Variants in SLC2A14 observed in about 807,000 individuals in gnomAD.
The protein encoded by SLC2A14 is solute carrier family 2, facilitated glucose transporter member 14.
In SLC2A14, 13 loss-of-function variants were observed where a neutral mutation model predicts 43.0. That is an observed-to-expected ratio of 0.30 (90% confidence interval 0.20 to 0.48). SLC2A14 has a LOEUF of 0.48. Ranked by LOEUF, SLC2A14 falls within the 20% of genes least tolerant of loss-of-function variation. SLC2A14 has a pLI of 0.99. For missense variants in SLC2A14, 428 were observed against 620.4 expected (o/e 0.69, Z 3.29); for synonymous variants, 190 against 233.8 (o/e 0.81, Z 1.71).
rs1186876570 is a variant in SLC2A14 at position 7,830,098 on chromosome 12, G to A, written c.273-92C>T. The A allele has an allele frequency of 6.7e-6, 10 of 1,496,512 alleles. No individual in the cohort carries two copies. The East Asian group carries it at 1.8e-4, about 27-fold the overall frequency. 92.7% of individuals were successfully genotyped at this position (1,496,512 alleles called of 1,614,324 possible). A position where few individuals can be genotyped will look rare whatever the true frequency, so the allele number is the denominator to read the frequency against. ...TACTCATTATTCTGCTCTTCTCCAG[G>A]CTTATATCAACTCCTTTTTTGGTCT... On this transcript the variant is annotated intron_variant, in intron 4 of 10. Transcript: ENST00000431042.
At chr12:7,863,772 G>A (rs769914827) in intron 2 of SLC2A14, among the ~76,000 whole-genome samples, 7 of 151,726 alleles carry the variant, frequency 4.6e-5, no homozygotes, top group Non-Finnish European at 1.0e-4. Context: ...TTTTATTTCA[G>A]ATGAAAACTT....
intron 1 of SLC2A14, among the ~76,000 whole-genome samples, chr12:7,887,515 G>A (rs1945705816): frequency 6.6e-6 from 1 of 151,872 alleles, no homozygotes; most frequent in Non-Finnish European, 1.5e-5. Flanking sequence ...GAAAGTAATT[G>A]CCCTCACAGA....
At chr12:7,875,364 C>T (rs143128574), upstream of SLC2A14, among the ~76,000 whole-genome samples, 774 of 149,872 alleles carry the variant, frequency 5.2e-3, 28 homozygotes, top group South Asian at 0.063. Context: ...AAAAATTAGC[C>T]GGGCATGGTG....
At chr12:7,863,076 T>G (rs936853899) in intron 2 of SLC2A14, among the ~76,000 whole-genome samples, 1 of 152,112 alleles carries the variant, frequency 6.6e-6, no homozygotes, top group Non-Finnish European at 1.5e-5. Context: ...CTCTTTGCAA[T>G]AAATCTTGCT....
In SLC2A14 at chr12:7,827,369, G is replaced by A. The variant is rs748275526; in HGVS notation, c.864+126C>T. 1.7e-5 allele frequency: 24 copies of A among 1,393,034 alleles called. No individual in the cohort carries two copies. The Admixed American group carries it at 2.0e-4, about 12-fold the overall frequency. The allele number at this position is 1,393,034 out of a possible 1,614,324, so 86.3% of individuals were successfully genotyped here. A position where few individuals can be genotyped will look rare whatever the true frequency, so the allele number is the denominator to read the frequency against. The stretch of plus-strand genomic sequence containing the variant: ...CAGCTCACTGCAACCTTCGCCTCCC[G>A]GGTTCAAGCGATTCTCCTGCCTCAG... On this transcript the variant is annotated intron_variant, in intron 7 of 10. Transcript: ENST00000431042.
intron 4 of SLC2A14, among the ~76,000 whole-genome samples, chr12:7,830,984 C>G (rs776635193): frequency 6.6e-6 from 1 of 151,938 alleles, no homozygotes; most frequent in South Asian, 2.1e-4. Flanking sequence ...ATTAGCCGAG[C>G]GTGGTGGCGG....
chr12:7,874,953 T>TATAAAAA (rs1491257259), upstream of SLC2A14, among the ~76,000 whole-genome samples: 10 of 5,932 alleles, frequency 1.7e-3, 2 homozygotes, highest in South Asian at 0.015. Context: ...TATAAATATA[T>TATAAAAA]TTATATATAA....
At chr12:7,872,048 C>T in intron 1 of SLC2A14, 1 of 338,490 alleles carries the variant, frequency 3.0e-6, no homozygotes, top group Non-Finnish European at 4.2e-6. Context: ...TCTTAAAAAT[C>T]AATGGAAATT....
upstream of SLC2A14, among the ~76,000 whole-genome samples, chr12:7,876,088 G>A (rs1439119487): frequency 6.6e-6 from 1 of 151,864 alleles, no homozygotes; most frequent in Non-Finnish European, 1.5e-5. Flanking sequence ...AGACCTGCCT[G>A]GCCAGCATTG....
chr12:7,825,629 G>A (rs1333930981), intron 7 of SLC2A14, among the ~76,000 whole-genome samples: 7 of 151,598 alleles, frequency 4.6e-5, no homozygotes, highest in African/African-American at 1.5e-4. Flanking sequence ...TGGGCATGGT[G>A]GCACGTGCCT....
chr12:7,845,781 A>C (rs1231598662), intron 2 of SLC2A14, among the ~76,000 whole-genome samples: 1 of 122,146 alleles, frequency 8.2e-6, no homozygotes. Flanking sequence ...TCCATCTCAA[A>C]AAAAAAAAAA....
chr12:7,824,117 G>A (rs185209251), intron 7 of SLC2A14, among the ~76,000 whole-genome samples: 4 of 151,870 alleles, frequency 2.6e-5, no homozygotes, highest in Admixed American at 6.6e-5. Flanking sequence ...TCAGCCGGGT[G>A]TGGTGGCAGG....
chr12:7,874,192 T>A (rs944467543), upstream of SLC2A14, among the ~76,000 whole-genome samples: 2 of 151,994 alleles, frequency 1.3e-5, no homozygotes, highest in Non-Finnish European at 1.5e-5. Flanking sequence ...CATTCAGAAC[T>A]CTCACACATT....
At chr12:7,820,224 C>G (rs935479373) in intron 8 of SLC2A14, among the ~76,000 whole-genome samples, 2 of 136,926 alleles carry the variant, frequency 1.5e-5, no homozygotes, top group Non-Finnish European at 1.5e-5. Context: ...CCCTCCAGAC[C>G]TCGCCCTGTG....
chr12:7,828,058 T>TA lies in SLC2A14; in HGVS notation c.677-377dup, dbSNP rs201883083. 5.1e-3 allele frequency among the ~76,000 whole-genome samples: 752 copies of TA among 147,696 alleles called. 25 individuals are homozygous for TA. In the East Asian group the frequency reaches 0.066, roughly 13 times the overall value. Reference sequence around the variant, plus strand: ...CTTTCTTAATAAACTTGCTTTCACTTAAAAAAAAAATACAAATTAGATGGG... The same window carrying TA: ...CTTTCTTAATAAACTTGCTTTCACTTAAAAAAAAAAATACAAATTAGATGGG... On this transcript the variant is annotated intron_variant, in intron 6 of 10. Coordinates refer to ENST00000431042, the MANE Select transcript of SLC2A14 (RefSeq NM_001286234.2).
At chr12:7,877,057 G>A (rs1260194725), upstream of SLC2A14, among the ~76,000 whole-genome samples, 3 of 145,836 alleles carry the variant, frequency 2.1e-5, no homozygotes. Context: ...AGGCTGCAGT[G>A]CAGTGGCACA....
At position 7,889,543 on chromosome 12, in the gene SLC2A14, T is replaced by C. The variant is rs1419455678; in HGVS notation, c.132+1453A>G. Among the ~76,000 whole-genome samples, 6 of 75,802 alleles carry C rather than the reference T, an allele frequency of 7.9e-5. No individual in the cohort carries two copies. In the East Asian group the frequency reaches 8.7e-4, roughly 11 times the overall value. The allele number at this position is 75,802 out of a possible 152,430, so 49.7% of individuals were successfully genotyped here. Reference sequence around the variant, plus strand: ...CCACCGTGCCTGACCTGGTTCCCCCTTTTTTTTTTGAGATGGAGTTTTGCT... The same window carrying C: ...CCACCGTGCCTGACCTGGTTCCCCCCTTTTTTTTTGAGATGGAGTTTTGCT... On this transcript the variant is annotated intron_variant, in intron 1 of 9. Transcript: ENST00000539924.
At chr12:7,890,782 T>A (rs747571236) in intron 1 of SLC2A14, 15 of 356,054 alleles carry the variant, frequency 4.2e-5, no homozygotes, top group African/African-American at 2.9e-4. Flanking sequence ...TTATGCAAAG[T>A]CCCCCTTCAG....
At chr12:7,851,009 G>C in intron 2 of SLC2A14, among the ~76,000 whole-genome samples, 1 of 152,058 alleles carries the variant, frequency 6.6e-6, no homozygotes, top group Admixed American at 6.6e-5. Flanking sequence ...CCCCAATTTG[G>C]TTGCTTCAGA....
Sources: gnomAD v4.1 joint callset for allele counts (sites outside exome capture counted in the v4.1 genomes callset) on GRCh38, gnomAD v4.1.1 for gene constraint, MANE v1.5 for transcripts, NCBI Gene and HGNC (gene_info 2026-07-23, HGNC 2026-07-21) for gene names.